The following TRPM3 variants were observed in gnomAD, a reference collection of about 807,000 sequenced individuals.
TRPM3 encodes transient receptor potential cation channel subfamily M member 3.
A neutral mutation model predicts 181.2 loss-of-function variants in TRPM3; 77 were observed. That is an observed-to-expected ratio of 0.42 (90% confidence interval 0.35 to 0.51). TRPM3 has a LOEUF of 0.51. Among genes scored for constraint, TRPM3 ranks in the 20% least tolerant of loss-of-function variants. The pLI, the probability that TRPM3 is intolerant of heterozygous loss-of-function variation, is 0.01. For missense variants in TRPM3, 1,759 were observed against 2,196.7 expected (o/e 0.80, Z 3.98); for synonymous variants, 745 against 796.4 (o/e 0.94, Z 1.09).
At chr9:71,013,581 G>C (rs781037295) in intron 1 of TRPM3, among the ~76,000 whole-genome samples, 2 of 151,698 alleles carry the variant, frequency 1.3e-5, no homozygotes, top group Non-Finnish European at 1.5e-5. Context: ...TGTTTGGTGA[G>C]GTGGTTCTTT....
intron 1 of TRPM3, among the ~76,000 whole-genome samples, chr9:70,924,407 AAC>A (rs1345558091): frequency 1.3e-5 from 2 of 152,160 alleles, no homozygotes; most frequent in Non-Finnish European, 2.9e-5. Flanking sequence ...AATGCTGTAC[AAC>A]AGTTTATCAT....
chr9:70,640,689 T>G, intron 9 of TRPM3, 29 bp from the exon 10 acceptor site: 1 of 1,579,948 alleles, frequency 6.3e-7, no homozygotes, highest in South Asian at 1.1e-5. Context: ...GAGAAAAGAG[T>G]GGAAGAGAGA....
At chr9:71,033,326 T>G (rs2057774624) in intron 1 of TRPM3, among the ~76,000 whole-genome samples, 1 of 152,224 alleles carries the variant, frequency 6.6e-6, no homozygotes. Context: ...ACAGTACTTC[T>G]TCACTTAATG....
At chr9:71,019,205 G>T (rs763345092) in intron 1 of TRPM3, among the ~76,000 whole-genome samples, 2 of 151,968 alleles carry the variant, frequency 1.3e-5, no homozygotes, top group East Asian at 3.9e-4. Context: ...CCTGGAAAAA[G>T]ATAGAGATGC....
At chr9:70,917,643 A>T in intron 1 of TRPM3, 1 of 433,398 alleles carries the variant, frequency 2.3e-6, no homozygotes, top group South Asian at 4.1e-5. Flanking sequence ...AACAGAGTAA[A>T]TACACAAAAA....
chr9:70,764,675 G>C (rs1379361934), intron 7 of TRPM3, among the ~76,000 whole-genome samples: 2 of 152,184 alleles, frequency 1.3e-5, no homozygotes, highest in Non-Finnish European at 2.9e-5. Flanking sequence ...GAAGTGGAAG[G>C]ATTCTCTAAG....
chr9:71,391,333 TAACTG>T (rs1259427315), intron 1 of TRPM3, among the ~76,000 whole-genome samples: 1 of 151,982 alleles, frequency 6.6e-6, no homozygotes, highest in Non-Finnish European at 1.5e-5. Flanking sequence ...AAAGTTCAAG[TAACTG>T]AGTCCATGAT....
intron 9 of TRPM3, 116 bp from the exon 10 acceptor site, chr9:70,640,776 G>T: frequency 1.4e-6 from 1 of 739,422 alleles, no homozygotes; most frequent in Non-Finnish European, 2.3e-6. Flanking sequence ...CAAAGAGCCT[G>T]CTTGGCTATA....
At chr9:70,861,758 A>T (rs2095525237) in intron 3 of TRPM3, among the ~76,000 whole-genome samples, 1 of 152,184 alleles carries the variant, frequency 6.6e-6, no homozygotes, top group Non-Finnish European at 1.5e-5. Context: ...GGCCAAGACT[A>T]CTTAACTCAT....
intron 8 of TRPM3, among the ~76,000 whole-genome samples, chr9:70,688,061 T>G (rs1166600587): frequency 2.0e-5 from 3 of 152,220 alleles, no homozygotes; most frequent in African/African-American, 7.2e-5. Context: ...TCAGCCTTTG[T>G]TCAGTCTGTG....
At chr9:70,963,076 G>A (rs1211855643) in intron 1 of TRPM3, among the ~76,000 whole-genome samples, 1 of 152,170 alleles carries the variant, frequency 6.6e-6, no homozygotes, top group Non-Finnish European at 1.5e-5. Flanking sequence ...TTAAGTGGTA[G>A]GATGAAGACC....
At chr9:71,337,610 C>T (rs962391161) in intron 1 of TRPM3, among the ~76,000 whole-genome samples, 2 of 152,120 alleles carry the variant, frequency 1.3e-5, no homozygotes, top group East Asian at 3.9e-4. Context: ...AATCATAGTT[C>T]TACTATAAAG....
chr9:70,876,155 C>A (rs2095865715), intron 1 of TRPM3, among the ~76,000 whole-genome samples: 1 of 151,618 alleles, frequency 6.6e-6, no homozygotes, highest in South Asian at 2.1e-4. Context: ...TAATGTCTTT[C>A]CTTATGACTA....
At chr9:71,201,153 G>A (rs1387512002) in intron 1 of TRPM3, among the ~76,000 whole-genome samples, 2 of 151,634 alleles carry the variant, frequency 1.3e-5, no homozygotes, top group African/African-American at 4.8e-5. Flanking sequence ...GGCTGGATAT[G>A]AAATTCTGGG....
intron 22 of TRPM3, among the ~76,000 whole-genome samples, chr9:70,557,809 C>T (rs893773956): frequency 6.6e-6 from 1 of 152,154 alleles, no homozygotes; most frequent in Non-Finnish European, 1.5e-5. Context: ...TGGTCAGTAC[C>T]ACCTCCATAC....
rs71352362 is a variant in TRPM3, at chr9:71,232,491, C to CTTTTTTTTTTTT, written c.183+214150_183+214161dup. ...CGCACATGGAAATTGAATTCAGTGT[C>CTTTTTTTTTTTT]TTTTTTTTTTTTTTTTTTTTTTTTT... On this transcript the variant is annotated intron_variant, in intron 1 of 24. Coordinates refer to the TRPM3 transcript ENST00000357533. Among the ~76,000 whole-genome samples the CTTTTTTTTTTTT allele has an allele frequency of 1.4e-4, 8 of 59,148 alleles. 2 individuals are homozygous for CTTTTTTTTTTTT. Among genetic ancestry groups the CTTTTTTTTTTTT allele is most frequent in the African/African-American group, 3.0e-4 (4 of 13,406 alleles). The allele number at this position is 59,148 out of a possible 152,430, so 38.8% of individuals were successfully genotyped here. A position where few individuals can be genotyped will look rare whatever the true frequency, so the allele number is the denominator to read the frequency against.
chr9:70,998,200 T>C (rs1016581929), intron 1 of TRPM3, among the ~76,000 whole-genome samples: 4 of 145,466 alleles, frequency 2.7e-5, no homozygotes, highest in Non-Finnish European at 6.0e-5. Context: ...TACACATATA[T>C]ACATATATAT....
intron 8 of TRPM3, among the ~76,000 whole-genome samples, chr9:70,682,161 C>T (rs1045786885): frequency 6.6e-6 from 1 of 151,940 alleles, no homozygotes; most frequent in Non-Finnish European, 1.5e-5. Flanking sequence ...GCCTGCTCCC[C>T]CAATAAAAAA....
chr9:71,378,397 T>C (rs2092715711), intron 1 of TRPM3, among the ~76,000 whole-genome samples: 1 of 152,086 alleles, frequency 6.6e-6, no homozygotes, highest in African/African-American at 2.4e-5. Context: ...TAGAGAGCTA[T>C]TAAGCAAAAT....
Sources: allele counts gnomAD v4.1 joint callset (sites outside exome capture counted in the v4.1 genomes callset), GRCh38; gene constraint gnomAD v4.1.1; transcripts MANE v1.5; gene names NCBI Gene and HGNC (gene_info 2026-07-23, HGNC 2026-07-21).